TMEM132B: variants seen among roughly 807,000 people sequenced by gnomAD.
The protein encoded by TMEM132B is transmembrane protein 132B.
Under a neutral mutation model 90.8 loss-of-function variants are expected in TMEM132B, and 18 were observed. The ratio of observed to expected loss-of-function variants is 0.20; its 90% CI spans 0.14 to 0.29. The LOEUF is 0.29. TMEM132B is among the 10% of genes least tolerant of loss of function. The pLI, the probability that TMEM132B is intolerant of heterozygous loss-of-function variation, is 1.00. For missense variants in TMEM132B, 1,096 were observed against 1,326.8 expected, an observed-to-expected ratio of 0.83 and a Z score of 2.70; for synonymous variants, 504 against 523.3, an observed-to-expected ratio of 0.96 and a Z score of 0.50.
chr12:125,562,477 T>G (rs1884557462), intron 4 of TMEM132B, among the ~76,000 whole-genome samples: 1 of 152,242 alleles, frequency 6.6e-6, no homozygotes, highest in African/African-American at 2.4e-5. Flanking sequence ...TCTTTTGGCC[T>G]CTCTGCTTTT....
chr12:125,363,395 T>C (rs1393495595), intron 2 of TMEM132B, among the ~76,000 whole-genome samples: 1 of 152,138 alleles, frequency 6.6e-6, no homozygotes, highest in Non-Finnish European at 1.5e-5. Flanking sequence ...GGATCCAGCC[T>C]AAACCACCTT....
intron 1 of TMEM132B, among the ~76,000 whole-genome samples, chr12:125,226,736 C>T (rs575275802): frequency 4.3e-4 from 65 of 152,296 alleles, no homozygotes; most frequent in Middle Eastern, 6.8e-3. Context: ...GTAAAATCTA[C>T]GTGTCAGGGT....
intron 5 of TMEM132B, among the ~76,000 whole-genome samples, chr12:125,611,418 A>G (rs1337445236): frequency 5.3e-5 from 8 of 151,682 alleles, no homozygotes; most frequent in Non-Finnish European, 1.0e-4. Flanking sequence ...TTCAGCTCTA[A>G]TGTTTATTTT....
At chr12:125,427,703 T>TGTA (rs996057886) in intron 3 of TMEM132B, among the ~76,000 whole-genome samples, 1 of 152,226 alleles carries the variant, frequency 6.6e-6, no homozygotes, top group African/African-American at 2.4e-5. Flanking sequence ...GTTCATGCAC[T>TGTA]GTAGGTCCTT....
chr12:125,407,404 A>T lies in TMEM132B; in HGVS notation c.960-8127A>T, dbSNP rs1879528858. ...GCTGGTCTAAGTAGAAGACAGAAAGATGCAGGTGTGTACTCACAGAGCAGG... is the reference window on the plus strand; with the variant it reads ...GCTGGTCTAAGTAGAAGACAGAAAGTTGCAGGTGTGTACTCACAGAGCAGG... On this transcript the variant is annotated intron_variant, in intron 2 of 8. Coordinates refer to ENST00000682704, the MANE Select transcript of TMEM132B (RefSeq NM_001366854.1). This position sits in a 1 kb window ranked among gnomAD's most constrained non-coding sequence, Gnocchi z 6.7. 6.6e-6 allele frequency among the ~76,000 whole-genome samples: 1 copy of T among 152,258 alleles called. No individual in the cohort carries two copies. The highest frequency in any genetic ancestry group is 2.1e-4 in the South Asian group (1 of 4,836).
intron 4 of TMEM132B, among the ~76,000 whole-genome samples, chr12:125,526,111 C>T (rs1883451305): frequency 6.6e-6 from 1 of 152,168 alleles, no homozygotes; most frequent in Non-Finnish European, 1.5e-5. Context: ...TGTGTCCTCG[C>T]CAGTGTCACA....
chr12:125,629,274 A>G (rs1182899452), intron 5 of TMEM132B, among the ~76,000 whole-genome samples: 3 of 152,022 alleles, frequency 2.0e-5, no homozygotes, highest in African/African-American at 7.2e-5. Context: ...CCAGCACATG[A>G]ACGTAGAATA....
At chr12:125,433,387 C>G (rs1880598850) in intron 3 of TMEM132B, among the ~76,000 whole-genome samples, 1 of 152,132 alleles carries the variant, frequency 6.6e-6, no homozygotes, top group Non-Finnish European at 1.5e-5. Context: ...TGGAAGGACC[C>G]TCGGGTCATT....
intron 5 of TMEM132B, among the ~76,000 whole-genome samples, chr12:125,608,096 G>A (rs1885739418): frequency 1.3e-5 from 2 of 152,122 alleles, no homozygotes; most frequent in Non-Finnish European, 2.9e-5. Flanking sequence ...TTTCTTTTGA[G>A]CGTATACTTA....
At chr12:125,189,874 A>C (rs1042987243) in intron 1 of TMEM132B, among the ~76,000 whole-genome samples, 2 of 152,144 alleles carry the variant, frequency 1.3e-5, no homozygotes, top group African/African-American at 2.4e-5. Flanking sequence ...TGCGTCTCCC[A>C]GCTCTATGTG....
chr12:125,642,172 C>A (rs1408939455), intron 5 of TMEM132B, among the ~76,000 whole-genome samples: 1 of 152,140 alleles, frequency 6.6e-6, no homozygotes, highest in African/African-American at 2.4e-5. Context: ...GGCTTCCACA[C>A]CTTGAGTACC....
At chr12:125,255,287 C>T (rs1007236620) in intron 1 of TMEM132B, among the ~76,000 whole-genome samples, 1 of 149,160 alleles carries the variant, frequency 6.7e-6, no homozygotes, top group Non-Finnish European at 1.5e-5. Flanking sequence ...TTCTTTCTTT[C>T]TCTCTCTCTC....
rs1379226652 is a variant in TMEM132B, at chr12:125,415,709, A to G, written c.1106+32A>G. 16 of 1,610,538 alleles carry G rather than the reference A, an allele frequency of 9.9e-6. 1 individual carries two copies. The Middle Eastern group carries it at 8.3e-4, about 84-fold the overall frequency. On this transcript the variant is annotated intron_variant, in intron 3 of 8. Coordinates refer to ENST00000682704, the MANE Select transcript of TMEM132B (RefSeq NM_001366854.1). The surrounding 1 kb of genome is among the most constrained non-coding windows in gnomAD (Gnocchi z 5.3). ...ATGGAGATCCCCAAGGCACCTCCGC[A>G]GTGGGGAGGAGGGGAGTGGCTGCCA...
chr12:125,217,172 A>G (rs945263288), intron 1 of TMEM132B, among the ~76,000 whole-genome samples: 19 of 152,230 alleles, frequency 1.2e-4, no homozygotes, highest in South Asian at 8.3e-4. Flanking sequence ...AGAACCGTAA[A>G]TCAACAGATT....
At chr12:125,192,863 C>T (rs2136050235) in intron 1 of TMEM132B, among the ~76,000 whole-genome samples, 1 of 152,344 alleles carries the variant, frequency 6.6e-6, no homozygotes, top group Admixed American at 6.5e-5. Flanking sequence ...TCTTGGAATA[C>T]TGGTTTAGCC....
At chr12:125,365,098 T>C (rs892139643) in intron 2 of TMEM132B, among the ~76,000 whole-genome samples, 3 of 152,052 alleles carry the variant, frequency 2.0e-5, no homozygotes, top group Non-Finnish European at 4.4e-5. Flanking sequence ...TCTCTTTTTC[T>C]TTTTGTTTGG....
intron 1 of TMEM132B, among the ~76,000 whole-genome samples, chr12:125,302,589 A>G (rs1335425800): frequency 3.3e-5 from 5 of 152,280 alleles, no homozygotes; most frequent in Middle Eastern, 3.4e-3. Flanking sequence ...GCCCGAATCT[A>G]AAGTCTGGGA....
chr12:125,384,079 T>A (rs1878759601), intron 2 of TMEM132B, among the ~76,000 whole-genome samples: 2 of 152,208 alleles, frequency 1.3e-5, no homozygotes. Context: ...CCCAAGTAGC[T>A]GGGATTACAG....
At chr12:125,201,923 G>A (rs1158866340) in intron 1 of TMEM132B, among the ~76,000 whole-genome samples, 3 of 152,114 alleles carry the variant, frequency 2.0e-5, no homozygotes, top group Admixed American at 6.5e-5. Flanking sequence ...ACATTATTTC[G>A]TATTCAGATT....
Sources: allele counts gnomAD v4.1 joint callset (sites outside exome capture counted in the v4.1 genomes callset), GRCh38; gene constraint gnomAD v4.1.1; non-coding constraint Gnocchi (gnomAD v3.1); transcripts MANE v1.5; gene names NCBI Gene and HGNC (gene_info 2026-07-23, HGNC 2026-07-21).